MGMT: variants seen among roughly 807,000 people sequenced by gnomAD.
The protein encoded by MGMT is methylated-DNA--protein-cysteine methyltransferase.
MGMT carries 14 observed loss-of-function variants against 15.9 expected under a neutral mutation model. That is an observed-to-expected ratio of 0.88 (90% CI 0.58 to 1.37). The LOEUF (loss-of-function observed/expected upper bound fraction) is 1.37, where lower values mean the gene tolerates loss of function less well. Ranked by LOEUF, MGMT falls within the 40% of genes most tolerant of loss-of-function variation. MGMT has a pLI of 0.00. For missense variants in MGMT, 282 were observed against 268.1 expected, an observed-to-expected ratio of 1.05 and a Z score of -0.36; for synonymous variants, 130 against 118.2, an observed-to-expected ratio of 1.10 and a Z score of -0.65.
At chr10:129,522,099 G>C (rs1329499068) in intron 1 of MGMT, among the ~76,000 whole-genome samples, 1 of 102,518 alleles carries the variant, frequency 9.8e-6, no homozygotes, top group East Asian at 3.3e-4. Context: ...GAAGAATTGG[G>C]TAAGGGTGAG....
intron 2 of MGMT, among the ~76,000 whole-genome samples, chr10:129,550,309 C>T (rs1484876843): frequency 2.0e-5 from 3 of 151,168 alleles, no homozygotes; most frequent in Non-Finnish European, 3.0e-5. Context: ...TCACAGTGTT[C>T]CGCAGCCACC....
chr10:129,660,567 C>G (rs935606146), intron 2 of MGMT, among the ~76,000 whole-genome samples: 1 of 152,146 alleles, frequency 6.6e-6, no homozygotes, highest in Non-Finnish European at 1.5e-5. Flanking sequence ...GTCCCAGCAG[C>G]CTTGCTTCCT....
In MGMT at chr10:129,769,699, C is replaced by T. The variant is rs184888331; in HGVS notation, c.*2702C>T. ...CTGAGTTTTGTGAGGGGTTGTCCTT[C>T]TCCCAGTCTCTCTTCCCGCTGGGAA... On this transcript the variant is annotated 3_prime_UTR_variant, in exon 5 of 5. Coordinates refer to ENST00000651593, the MANE Select transcript of MGMT (RefSeq NM_002412.5). Among the ~76,000 whole-genome samples, 32 of 152,344 alleles carry T rather than the reference C, an allele frequency of 2.1e-4. No individual in the cohort carries two copies. The highest frequency in any genetic ancestry group is 2.1e-3 in the South Asian group (10 of 4,832).
chr10:129,675,661 G>A (rs983266853), intron 2 of MGMT, among the ~76,000 whole-genome samples: 1 of 152,174 alleles, frequency 6.6e-6, no homozygotes, highest in Admixed American at 6.5e-5. Flanking sequence ...ATGCAGGCAT[G>A]GAGCTCAGAG....
chr10:129,576,193 G>T (rs572224968), intron 2 of MGMT, among the ~76,000 whole-genome samples: 1 of 152,196 alleles, frequency 6.6e-6, no homozygotes, highest in Non-Finnish European at 1.5e-5. Flanking sequence ...TATGAGGCCA[G>T]CATCATCCTG....
chr10:129,622,312 G>A (rs1847099506), intron 2 of MGMT, among the ~76,000 whole-genome samples: 1 of 152,196 alleles, frequency 6.6e-6, no homozygotes, highest in African/African-American at 2.4e-5. Context: ...TGTTTAAGCA[G>A]AGATACGATT....
chr10:129,750,298 C>A (rs924193279), intron 3 of MGMT, among the ~76,000 whole-genome samples: 1 of 152,136 alleles, frequency 6.6e-6, no homozygotes, highest in Non-Finnish European at 1.5e-5. Flanking sequence ...GGTATAAAGT[C>A]TGTATCTGGA....
At chr10:129,591,401 A>G (rs1243129353) in intron 2 of MGMT, among the ~76,000 whole-genome samples, 1 of 152,178 alleles carries the variant, frequency 6.6e-6, no homozygotes, top group Admixed American at 6.5e-5. Context: ...CTGTCTCCCC[A>G]GGAAAGGAGC....
At chr10:129,648,953 G>A (rs1847426496) in intron 2 of MGMT, among the ~76,000 whole-genome samples, 1 of 152,162 alleles carries the variant, frequency 6.6e-6, no homozygotes, top group African/African-American at 2.4e-5. Flanking sequence ...CTGGGCGGAG[G>A]GAGCTTTGAG....
intron 2 of MGMT, among the ~76,000 whole-genome samples, chr10:129,685,416 C>T (rs1188897750): frequency 1.3e-5 from 2 of 152,188 alleles, no homozygotes; most frequent in African/African-American, 2.4e-5. Context: ...GTCCTGTCTT[C>T]CCCTCCCTGT....
chr10:129,512,310 T>G (rs1398050474), intron 1 of MGMT, among the ~76,000 whole-genome samples: 1 of 152,174 alleles, frequency 6.6e-6, no homozygotes, highest in Non-Finnish European at 1.5e-5. Flanking sequence ...AACTTCTTCC[T>G]AAGGAATTGC....
At chr10:129,707,603 G>A (rs1304737333) in intron 2 of MGMT, among the ~76,000 whole-genome samples, 1 of 152,204 alleles carries the variant, frequency 6.6e-6, no homozygotes. Context: ...TTTAGGTGCA[G>A]CCGTGCCATC....
intron 2 of MGMT, among the ~76,000 whole-genome samples, chr10:129,546,264 GT>G (rs1293377206): frequency 6.6e-6 from 1 of 152,238 alleles, no homozygotes; most frequent in Non-Finnish European, 1.5e-5. Flanking sequence ...GAAGTGGGCT[GT>G]TCCACACCTT....
At chr10:129,585,391 T>C (rs2133049836) in intron 2 of MGMT, among the ~76,000 whole-genome samples, 1 of 152,256 alleles carries the variant, frequency 6.6e-6, no homozygotes, top group South Asian at 2.1e-4. Context: ...CCCTTAGTCA[T>C]GGGGAATATG....
At chr10:129,721,296 A>G (rs1248646399) in intron 3 of MGMT, among the ~76,000 whole-genome samples, 1 of 152,270 alleles carries the variant, frequency 6.6e-6, no homozygotes, top group East Asian at 1.9e-4. Context: ...GCTGGCTGGA[A>G]TTCATGGGCG....
At chr10:129,756,234 A>G (rs1249726787) in intron 3 of MGMT, among the ~76,000 whole-genome samples, 1 of 152,190 alleles carries the variant, frequency 6.6e-6, no homozygotes, top group Non-Finnish European at 1.5e-5. Flanking sequence ...CAGAGACTCC[A>G]AGATGCAGGT....
At chr10:129,515,150 G>A (rs1012305563) in intron 1 of MGMT, among the ~76,000 whole-genome samples, 1 of 147,146 alleles carries the variant, frequency 6.8e-6, no homozygotes, top group Non-Finnish European at 1.5e-5. Flanking sequence ...TGTGCTGACT[G>A]TCCAGCAGCA....
At chr10:129,645,542 T>C (rs1387279033) in intron 2 of MGMT, among the ~76,000 whole-genome samples, 2 of 152,146 alleles carry the variant, frequency 1.3e-5, no homozygotes, top group Non-Finnish European at 2.9e-5. Flanking sequence ...GTCAGGCCTG[T>C]GCTTCATGGA....
At chr10:129,686,019 G>A (rs1053250122) in intron 2 of MGMT, among the ~76,000 whole-genome samples, 29 of 152,206 alleles carry the variant, frequency 1.9e-4, no homozygotes, top group African/African-American at 6.5e-4. Flanking sequence ...GTGCTTAACC[G>A]CCATCCTTCA....
Sources: gnomAD v4.1 joint callset for allele counts (sites outside exome capture counted in the v4.1 genomes callset) on GRCh38, gnomAD v4.1.1 for gene constraint, MANE v1.5 for transcripts, NCBI Gene and HGNC (gene_info 2026-07-23, HGNC 2026-07-21) for gene names.